The following TUBGCP3 variants were observed in gnomAD, a reference collection of about 807,000 sequenced individuals.
TUBGCP3 encodes the protein gamma-tubulin complex component 3.
TUBGCP3 carries 50 observed loss-of-function variants against 123.1 expected under a neutral mutation model. The observed-to-expected ratio is 0.41, with a 90% CI of 0.32 to 0.51. The LOEUF is 0.51. Ranked by LOEUF, TUBGCP3 falls within the 20% of genes least tolerant of loss-of-function variation. TUBGCP3 has a pLI of 0.36. For synonymous variants in TUBGCP3, 405 were observed against 413.9 expected (o/e 0.98, Z 0.26); for missense variants, 882 against 1,127.0 (o/e 0.78, Z 3.11).
intron 11 of TUBGCP3, among the ~76,000 whole-genome samples, chr13:112,537,238 G>A (rs1305930577): frequency 2.2e-5 from 3 of 138,150 alleles, no homozygotes; most frequent in East Asian, 4.3e-4. Flanking sequence ...CCCTTGTCTT[G>A]TTCCTGACCT....
chr13:112,586,241 A>C (rs1234725813), intron 1 of TUBGCP3, among the ~76,000 whole-genome samples: 2 of 145,024 alleles, frequency 1.4e-5, no homozygotes, highest in African/African-American at 5.0e-5. Flanking sequence ...ACTCTGTCTC[A>C]AAAAAAAAAA....
intron 1 of TUBGCP3, among the ~76,000 whole-genome samples, chr13:112,586,527 G>A (rs1566598892): frequency 6.6e-6 from 1 of 152,190 alleles, no homozygotes; most frequent in Non-Finnish European, 1.5e-5. Flanking sequence ...CATACCTCAA[G>A]ACCTTTCCAC....
intron 3 of TUBGCP3, among the ~76,000 whole-genome samples, chr13:112,561,793 C>A (rs561537149): frequency 6.6e-6 from 1 of 152,184 alleles, no homozygotes; most frequent in Non-Finnish European, 1.5e-5. Context: ...ACTAAGAAAC[C>A]GCTAGGTTAA....
In TUBGCP3 at chr13:112,534,413, G is replaced by A. The variant is rs1472587292; in HGVS notation, c.1336-6929C>T. 5.9e-5 allele frequency among the ~76,000 whole-genome samples: 9 copies of A among 152,290 alleles called. No homozygotes were observed. The South Asian group carries it at 8.3e-4, about 14-fold the overall frequency. On this transcript the variant is annotated intron_variant, in intron 11 of 21. Transcript: ENST00000261965. ...TACAAAAAATTAGCCGGGCGTGGTG[G>A]CAAGGCGCCTGTGGTCCCAGCTAAT...
At chr13:112,558,164 TAGAG>T (rs745764208) in intron 5 of TUBGCP3, 28 bp downstream of exon 5, 88 of 1,580,360 alleles carry the variant, frequency 5.6e-5, no homozygotes, top group Non-Finnish European at 7.4e-5. Flanking sequence ...TTCTAACACA[TAGAG>T]AATCTATACA....
intron 17 of TUBGCP3, 151 bp downstream of exon 17, chr13:112,516,289 G>A (rs117897346): frequency 2.0e-4 from 164 of 817,376 alleles, no homozygotes; most frequent in Middle Eastern, 7.9e-4. Context: ...AAATAAATGT[G>A]ATTTTAAAAG....
intron 3 of TUBGCP3, among the ~76,000 whole-genome samples, chr13:112,563,495 A>C (rs752457945): frequency 6.6e-5 from 10 of 152,104 alleles, no homozygotes. Flanking sequence ...GCCACTATTT[A>C]AGACATTGAT....
rs1879882525 is a variant in TUBGCP3 at position 112,554,745 on chromosome 13, A to C, written c.840+142T>G. ...CGAGCCACAATGGACAGAAATAGAA[A>C]CCAGAATTCCACAGTGCAATTTCAC... On this transcript the variant is annotated intron_variant, in intron 7 of 21. Coordinates refer to ENST00000261965, the MANE Select transcript of TUBGCP3 (RefSeq NM_006322.6). 10 of 608,688 alleles carry C rather than the reference A, an allele frequency of 1.6e-5. No homozygotes were observed. The South Asian group carries it at 2.1e-4, about 13-fold the overall frequency. The allele number at this position is 608,688 out of a possible 1,614,324, so 37.7% of individuals were successfully genotyped here.
At chr13:112,560,429 C>CAA (rs771690825) in intron 3 of TUBGCP3, among the ~76,000 whole-genome samples, 12 of 97,630 alleles carry the variant, frequency 1.2e-4, no homozygotes, top group South Asian at 6.4e-4. Flanking sequence ...GACTCCGTCT[C>CAA]AAAAAAAAAA....
rs1398862830 is a variant in TUBGCP3, at chr13:112,556,157, T to G, written c.616A>C (p.Thr206Pro). ...GAAGAAGGCTGATTTGCAGTTAAAG[T>G]CCATGCGAGTCGTGACCCCAACTGC... Reference protein sequence around the residue: ...RQQLGSRLAWTLTANQPSSQA... With the variant: ...RQQLGSRLAWPLTANQPSSQA... The change falls in exon 6 of 22, where the codon ACT becomes CCT. Residue 206 changes from threonine to proline, a missense_variant. Around this residue, in one of 3 missense-constraint regions of TUBGCP3, gnomAD observed 713 missense variants for 874.0 expected, o/e 0.82. Coordinates refer to ENST00000261965, the MANE Select transcript of TUBGCP3 (RefSeq NM_006322.6). 5 of 1,614,048 alleles carry G rather than the reference T, an allele frequency of 3.1e-6. No homozygotes were observed. Among genetic ancestry groups the G allele is most frequent in the South Asian group, 2.2e-5 (2 of 91,070 alleles).
At position 112,555,013 on chromosome 13, in the gene TUBGCP3, A is replaced by G; in HGVS notation, c.722-8T>C. The G allele has an allele frequency of 6.5e-7, 1 of 1,546,834 alleles. No homozygotes were observed. The highest frequency in any genetic ancestry group is 1.9e-5 in the Admixed American group (1 of 52,914). ...CTGTAATTTCCATAGTACCTGCAAA[A>G]TCATTTTTTAAAGACAGTAATTACT... On this transcript the variant is annotated splice_region_variant and splice_polypyrimidine_tract_variant and intron_variant, in intron 6 of 21. Transcript: ENST00000261965.
At chr13:112,549,785 C>A (rs190102866) in intron 8 of TUBGCP3, among the ~76,000 whole-genome samples, 1 of 151,672 alleles carries the variant, frequency 6.6e-6, no homozygotes, top group South Asian at 2.1e-4. Flanking sequence ...GCCAGGAGAT[C>A]GAGACCATCC....
intron 20 of TUBGCP3, among the ~76,000 whole-genome samples, chr13:112,497,418 C>G (rs1566531311): frequency 6.6e-6 from 1 of 152,078 alleles, no homozygotes; most frequent in South Asian, 2.1e-4. Context: ...CAAAAAATAC[C>G]AAAGAAATAA....
chr13:112,585,556 T>C (rs1308807965), intron 1 of TUBGCP3, among the ~76,000 whole-genome samples: 1 of 151,874 alleles, frequency 6.6e-6, no homozygotes, highest in Non-Finnish European at 1.5e-5. Flanking sequence ...GCAGATCACT[T>C]GAGGTCAGGA....
chr13:112,569,779 T>C (rs1425225492), intron 1 of TUBGCP3, among the ~76,000 whole-genome samples: 1 of 151,864 alleles, frequency 6.6e-6, no homozygotes, highest in Non-Finnish European at 1.5e-5. Flanking sequence ...ACTAAAAGCA[T>C]AAACCAACAA....
intron 1 of TUBGCP3, among the ~76,000 whole-genome samples, chr13:112,570,680 G>A (rs2139281954): frequency 6.6e-6 from 1 of 152,262 alleles, no homozygotes; most frequent in South Asian, 2.1e-4. Context: ...CTTAAAATAA[G>A]ACAACAATGA....
chr13:112,516,293 T>C, intron 17 of TUBGCP3, 147 bp downstream of exon 17: 1 of 865,738 alleles, frequency 1.2e-6, no homozygotes, highest in Non-Finnish European at 1.6e-6. Context: ...AAATGTGATT[T>C]TAAAAGAAAG....
chr13:112,538,727 T>C (rs951598543), intron 11 of TUBGCP3, among the ~76,000 whole-genome samples: 1 of 152,160 alleles, frequency 6.6e-6, no homozygotes, highest in Admixed American at 6.5e-5. Context: ...TAAATTACTA[T>C]GAGATGAAAG....
At chr13:112,552,052 G>C (rs570527217) in intron 8 of TUBGCP3, among the ~76,000 whole-genome samples, 4 of 152,254 alleles carry the variant, frequency 2.6e-5, no homozygotes, top group Admixed American at 1.3e-4. Flanking sequence ...CAGAGCTCAG[G>C]CGGTCATGCC....
Sources: gnomAD v4.1 joint callset for allele counts (sites outside exome capture counted in the v4.1 genomes callset) on GRCh38, gnomAD v4.1.1 for gene constraint, gnomAD v4.1.1 regional missense constraint, MANE v1.5 for transcripts, NCBI Gene and HGNC (gene_info 2026-07-23, HGNC 2026-07-21) for gene names.